Variants in ANO10 observed in about 807,000 individuals in gnomAD.
ANO10 encodes anoctamin 10.
In ANO10, 77 loss-of-function variants were observed where a neutral mutation model predicts 74.7. The observed-to-expected ratio is 1.03, with a 90% confidence interval of 0.86 to 1.25. The LOEUF (loss-of-function observed/expected upper bound fraction) is 1.25. ANO10 is among the 50% of genes most tolerant of loss of function. The pLI, the probability that ANO10 is intolerant of heterozygous loss-of-function variation, is 0.00. For synonymous variants in ANO10, 279 were observed against 284.9 expected (o/e 0.98, Z 0.21); for missense variants, 721 against 778.1 (o/e 0.93, Z 0.87).
intron 11 of ANO10, among the ~76,000 whole-genome samples, chr3:43,516,852 A>T (rs2077733060): frequency 6.6e-6 from 1 of 152,164 alleles, no homozygotes; most frequent in Non-Finnish European, 1.5e-5. Context: ...ATTTGTTGAG[A>T]TTATAAAACA....
intron 11 of ANO10, among the ~76,000 whole-genome samples, chr3:43,526,404 A>G (rs1327331411): frequency 6.6e-6 from 1 of 152,196 alleles, no homozygotes; most frequent in Admixed American, 6.5e-5. Context: ...AGCCACGGAG[A>G]AGCGTCAGCA....
intron 12 of ANO10, among the ~76,000 whole-genome samples, chr3:43,379,065 T>G (rs889833188): frequency 6.6e-6 from 1 of 152,182 alleles, no homozygotes; most frequent in Non-Finnish European, 1.5e-5. Context: ...GAAAACATCA[T>G]TGAACATTCC....
At chr3:43,543,569 T>C (rs1189239652) in intron 11 of ANO10, among the ~76,000 whole-genome samples, 1 of 152,100 alleles carries the variant, frequency 6.6e-6, no homozygotes, top group Non-Finnish European at 1.5e-5. Context: ...TTTGTATTTT[T>C]AGTAGAGACG....
chr3:43,567,874 A>T (rs990650173), intron 7 of ANO10, among the ~76,000 whole-genome samples: 2 of 152,202 alleles, frequency 1.3e-5, no homozygotes, highest in African/African-American at 4.8e-5. Flanking sequence ...CTCCAATTAA[A>T]AGACACAGAC....
intron 1 of ANO10, among the ~76,000 whole-genome samples, chr3:43,659,964 C>A (rs776935722): frequency 3.2e-4 from 49 of 152,244 alleles, no homozygotes; most frequent in Non-Finnish European, 6.9e-4. Flanking sequence ...GGACATCCAG[C>A]AGATGTCCAC....
chr3:43,659,586 G>A lies in ANO10; in HGVS notation c.-12+31931C>T, dbSNP rs563073761. Among the ~76,000 whole-genome samples the A allele has an allele frequency of 2.6e-5, 4 of 152,318 alleles. No homozygotes were observed. In the South Asian group the frequency reaches 8.3e-4, roughly 32 times the overall value. ...AAAGTGGTAGGGAAGCTGGAACTGG[G>A]CGGGGCCCACTGCAGCTCAGCAAGG... On this transcript the variant is annotated intron_variant, in intron 1 of 3. Coordinates refer to the ANO10 transcript ENST00000413397.
At chr3:43,680,106 G>T (rs2084174786) in intron 1 of ANO10, among the ~76,000 whole-genome samples, 1 of 152,194 alleles carries the variant, frequency 6.6e-6, no homozygotes, top group Admixed American at 6.6e-5. Context: ...GACGAGTTGA[G>T]AGAAGAAGAC....
chr3:43,370,991 C>T (rs1018762244), intron 12 of ANO10, among the ~76,000 whole-genome samples: 2 of 152,130 alleles, frequency 1.3e-5, no homozygotes, highest in Non-Finnish European at 2.9e-5. Context: ...CACCACGGAC[C>T]TCAAATGGCC....
chr3:43,555,506 A>C lies in ANO10; in HGVS notation c.1477-37T>G, dbSNP rs4682893. ...AACAAGCATGCATTATTTTAATATC[A>C]TACAATAGGAATATCCTTTTGCAAT... On this transcript the variant is annotated intron_variant, in intron 9 of 12. Transcript: ENST00000292246. The C allele has an allele frequency of 0.045, 71,651 of 1,590,410 alleles. 2,938 individuals are homozygous for C. Among genetic ancestry groups the C allele is most frequent in the African/African-American group, 0.19 (14,364 of 74,268 alleles).
chr3:43,576,213 T>C (rs1054242920), intron 6 of ANO10, among the ~76,000 whole-genome samples: 3 of 151,610 alleles, frequency 2.0e-5, no homozygotes, highest in African/African-American at 7.3e-5. Flanking sequence ...ATGAAGACAT[T>C]TTTTTTTTCT....
In ANO10 at chr3:43,432,941, ATTCTTTTTTTTT is replaced by A. The variant is rs1386333728; in HGVS notation, c.1798-226_1798-215del. 1.9e-3 allele frequency among the ~76,000 whole-genome samples: 89 copies of A among 46,568 alleles called. 1 individual carries two copies. The highest frequency in any genetic ancestry group is 4.7e-3 in the Admixed American group (16 of 3,382). 30.6% of individuals were successfully genotyped at this position (46,568 alleles called of 152,430 possible). ...ATTCAGTAATTACTGACTTTGCTTA[ATTCTTTTTTTTT>A]TTTTTTTTTTTTTTTTTTTTTGAGA... On this transcript the variant is annotated intron_variant, in intron 11 of 12. Coordinates refer to ENST00000292246, the MANE Select transcript of ANO10 (RefSeq NM_018075.5).
intron 12 of ANO10, among the ~76,000 whole-genome samples, chr3:43,425,108 T>C (rs2092878313): frequency 6.6e-6 from 1 of 152,178 alleles, no homozygotes; most frequent in East Asian, 1.9e-4. Flanking sequence ...TAATATGTGA[T>C]TACCTATTCA....
intron 1 of ANO10, among the ~76,000 whole-genome samples, chr3:43,672,465 A>G (rs2084071399): frequency 2.0e-5 from 3 of 152,202 alleles, no homozygotes. Context: ...TGGGAGGTCG[A>G]GGCTGCAGTG....
intron 1 of ANO10, among the ~76,000 whole-genome samples, chr3:43,643,157 G>A (rs970364157): frequency 2.7e-5 from 4 of 150,604 alleles, no homozygotes; most frequent in Admixed American, 2.6e-4. Context: ...TCAGCCTCCC[G>A]AGTAGCTGGG....
At chr3:43,602,341 T>C (rs2082370962) in intron 2 of ANO10, among the ~76,000 whole-genome samples, 2 of 152,110 alleles carry the variant, frequency 1.3e-5, no homozygotes, top group Admixed American at 1.3e-4. Context: ...ATTAATTAAT[T>C]AATTTATTTA....
intron 1 of ANO10, among the ~76,000 whole-genome samples, chr3:43,639,486 T>G (rs548857386): frequency 6.6e-6 from 1 of 152,174 alleles, no homozygotes; most frequent in Non-Finnish European, 1.5e-5. Context: ...CAATTCTGGC[T>G]GGGTGCAGTG....
intron 12 of ANO10, among the ~76,000 whole-genome samples, chr3:43,376,319 A>T (rs940765721): frequency 6.6e-6 from 1 of 152,206 alleles, no homozygotes; most frequent in Non-Finnish European, 1.5e-5. Context: ...AAACATCCTG[A>T]TATGAGCATG....
chr3:43,643,369 T>G (rs906821945), intron 1 of ANO10, among the ~76,000 whole-genome samples: 3 of 151,760 alleles, frequency 2.0e-5, no homozygotes, highest in African/African-American at 7.3e-5. Context: ...GAAACGAGAT[T>G]GCTGGGTGAA....
chr3:43,499,439 A>G (rs1371050116), intron 11 of ANO10, among the ~76,000 whole-genome samples: 1 of 152,186 alleles, frequency 6.6e-6, no homozygotes, highest in East Asian at 1.9e-4. Context: ...TGAGCATCAA[A>G]GGAAGTATAG....
Sources: allele counts gnomAD v4.1 joint callset (sites outside exome capture counted in the v4.1 genomes callset), GRCh38; gene constraint gnomAD v4.1.1; transcripts MANE v1.5; gene names NCBI Gene and HGNC (gene_info 2026-07-23, HGNC 2026-07-21).